CPNE3: variants seen among roughly 807,000 people sequenced by gnomAD.
CPNE3 encodes copine 3.
In CPNE3, 68 loss-of-function variants were observed where a neutral mutation model predicts 63.9. The observed-to-expected ratio is 1.06, with a 90% CI of 0.87 to 1.30. The LOEUF is 1.30. Among genes scored for constraint, CPNE3 ranks in the 50% most tolerant of loss-of-function variants. The pLI is 0.00. For missense variants in CPNE3, 665 were observed against 578.1 expected (o/e 1.15, Z -1.54); for synonymous variants, 219 against 197.5 (o/e 1.11, Z -0.91).
At chr8:86,533,886 C>T (rs1586836138) in intron 6 of CPNE3, among the ~76,000 whole-genome samples, 1 of 130,356 alleles carries the variant, frequency 7.7e-6, no homozygotes, top group Admixed American at 1.0e-4. Context: ...TCCTCCCTCC[C>T]TTCCTTCCTT....
chr8:86,550,821 C>T (rs1821157224), intron 12 of CPNE3, among the ~76,000 whole-genome samples: 1 of 152,090 alleles, frequency 6.6e-6, no homozygotes, highest in African/African-American at 2.4e-5. Flanking sequence ...TCCATTTCTA[C>T]AAAATCTATA....
At chr8:86,518,919 C>T (rs1214605019) in intron 2 of CPNE3, among the ~76,000 whole-genome samples, 4 of 151,880 alleles carry the variant, frequency 2.6e-5, no homozygotes, top group Admixed American at 6.6e-5. Context: ...ACAGGCACAC[C>T]CCACCACACC....
intron 2 of CPNE3, among the ~76,000 whole-genome samples, chr8:86,525,455 CATA>C (rs1352340757): frequency 6.6e-6 from 1 of 152,124 alleles, no homozygotes; most frequent in Non-Finnish European, 1.5e-5. Context: ...GCCATTCAGC[CATA>C]ATGGGTTTCA....
chr8:86,546,739 C>G (rs537697956), intron 10 of CPNE3, 58 bp downstream of exon 10: 1 of 1,540,530 alleles, frequency 6.5e-7, no homozygotes, highest in African/African-American at 1.4e-5. Flanking sequence ...TGAGCTGGAG[C>G]CTCGCTCTGT....
chr8:86,517,069 A>C (rs11781016), intron 2 of CPNE3, among the ~76,000 whole-genome samples: 74,913 of 151,972 alleles, frequency 0.49, 18,928 homozygotes, highest in African/African-American at 0.58. Context: ...TCAGCCTACA[A>C]TCTAGCTTCC....
intron 2 of CPNE3, among the ~76,000 whole-genome samples, chr8:86,519,453 A>G (rs1820383930): frequency 6.6e-6 from 1 of 152,212 alleles, no homozygotes; most frequent in South Asian, 2.1e-4. Flanking sequence ...CCTGCTCAAG[A>G]TAGTTTAAGA....
At chr8:86,554,467 A>T (rs949950817) in intron 14 of CPNE3, among the ~76,000 whole-genome samples, 7 of 152,200 alleles carry the variant, frequency 4.6e-5, no homozygotes, top group African/African-American at 7.2e-5. Flanking sequence ...ATGATTTTTC[A>T]TTTTATTAAT....
intron 4 of CPNE3, among the ~76,000 whole-genome samples, chr8:86,529,623 T>G (rs1257833753): frequency 6.6e-6 from 1 of 152,206 alleles, no homozygotes; most frequent in Non-Finnish European, 1.5e-5. Flanking sequence ...CACTTGGTAC[T>G]TACTATCTGG....
chr8:86,516,297 CAGA>C (rs976332882), intron 2 of CPNE3, among the ~76,000 whole-genome samples: 8 of 152,198 alleles, frequency 5.3e-5, no homozygotes, highest in Admixed American at 4.6e-4. Context: ...ACGGGAGAAA[CAGA>C]AGGAGTGTTT....
chr8:86,522,364 G>A (rs761892701), intron 2 of CPNE3, among the ~76,000 whole-genome samples: 2 of 151,848 alleles, frequency 1.3e-5, no homozygotes, highest in African/African-American at 4.8e-5. Context: ...TTTATGAATG[G>A]GTCTCCCCAA....
At chr8:86,523,001 C>T (rs764811888) in intron 2 of CPNE3, among the ~76,000 whole-genome samples, 1 of 152,166 alleles carries the variant, frequency 6.6e-6, no homozygotes, top group Non-Finnish European at 1.5e-5. Context: ...ATTATTGTTT[C>T]AAGAAGCTTT....
intron 2 of CPNE3, among the ~76,000 whole-genome samples, chr8:86,524,479 A>C (rs1249413433): frequency 6.6e-6 from 1 of 152,154 alleles, no homozygotes; most frequent in Non-Finnish European, 1.5e-5. Flanking sequence ...AATTTTGTCC[A>C]ACAAGTAATA....
chr8:86,540,146 C>A, intron 7 of CPNE3, 99 bp from the exon 8 acceptor site: 1 of 724,012 alleles, frequency 1.4e-6, no homozygotes, highest in African/African-American at 1.8e-5. Context: ...AGGTGGAGGA[C>A]GAATGGTGAG....
chr8:86,547,338 G>T, intron 10 of CPNE3: 1 of 183,410 alleles, frequency 5.5e-6, no homozygotes, highest in Non-Finnish European at 1.1e-5. Flanking sequence ...TATGAGTAAA[G>T]GGGAAAAGCC....
intron 2 of CPNE3, among the ~76,000 whole-genome samples, chr8:86,516,395 T>C (rs1820312068): frequency 1.3e-5 from 2 of 152,342 alleles, no homozygotes; most frequent in South Asian, 4.1e-4. Context: ...GTCTTCATTT[T>C]CATATAAGTT....
At chr8:86,542,395 C>T (rs1257850839) in intron 8 of CPNE3, among the ~76,000 whole-genome samples, 1 of 152,116 alleles carries the variant, frequency 6.6e-6, no homozygotes, top group Non-Finnish European at 1.5e-5. Context: ...AATAATCATG[C>T]ATGCTGCCAC....
intron 16 of CPNE3, among the ~76,000 whole-genome samples, chr8:86,557,697 A>G (rs998453326): frequency 1.3e-5 from 2 of 152,146 alleles, no homozygotes; most frequent in African/African-American, 4.8e-5. Flanking sequence ...TGGTGGTTAA[A>G]CAGATCTATC....
chr8:86,528,461 C>CTGTTTT (rs1420423935), intron 2 of CPNE3, 75 bp from the exon 3 acceptor site: 1 of 1,541,214 alleles, frequency 6.5e-7, no homozygotes, highest in Non-Finnish European at 8.8e-7. Context: ...AAGAAGTCAC[C>CTGTTTT]TGTTTTTGTT....
chr8:86,549,536 A>G lies in CPNE3; in HGVS notation c.1013+1102A>G, dbSNP rs973084849. Among the ~76,000 whole-genome samples, 8 of 152,328 alleles carry G rather than the reference A, an allele frequency of 5.3e-5. No individual in the cohort carries two copies. The East Asian group carries it at 1.3e-3, about 26-fold the overall frequency. On this transcript the variant is annotated intron_variant, in intron 12 of 16. Coordinates refer to ENST00000517490, the MANE Select transcript of CPNE3 (RefSeq NM_003909.5). ...GGTTGTAAAAGCTGTCAAACTGGAC[A>G]AGAATTGAATTTGGATCCCTGACTC...
Sources: allele counts gnomAD v4.1 joint callset (sites outside exome capture counted in the v4.1 genomes callset), GRCh38; gene constraint gnomAD v4.1.1; transcripts MANE v1.5; gene names NCBI Gene and HGNC (gene_info 2026-07-23, HGNC 2026-07-21).